Variants in KIAA0825 observed in about 807,000 individuals in gnomAD.
The protein encoded by KIAA0825 is uncharacterized protein KIAA0825.
In KIAA0825, 119 loss-of-function variants were observed where a neutral mutation model predicts 147.6. That is an observed-to-expected ratio of 0.81 (90% CI 0.69 to 0.94). The LOEUF is 0.94. Ranked by LOEUF, KIAA0825 falls within the 40% of genes least tolerant of loss-of-function variation. The pLI is 0.00. For synonymous variants in KIAA0825, 470 were observed against 518.1 expected (o/e 0.91, Z 1.26); for missense variants, 1,381 against 1,472.7 (o/e 0.94, Z 1.02).
At chr5:94,248,776 G>C (rs912919435) in intron 20 of KIAA0825, among the ~76,000 whole-genome samples, 1 of 152,066 alleles carries the variant, frequency 6.6e-6, no homozygotes, top group Non-Finnish European at 1.5e-5. Flanking sequence ...GAACAACCCT[G>C]AACTACGTTT....
chr5:94,506,872 A>C (rs931269095), intron 5 of KIAA0825, among the ~76,000 whole-genome samples: 5 of 152,198 alleles, frequency 3.3e-5, no homozygotes, highest in African/African-American at 4.8e-5. Context: ...AACCAGTTTC[A>C]GTACAAATTT....
At chr5:94,538,388 C>T (rs868737078) in intron 2 of KIAA0825, among the ~76,000 whole-genome samples, 1 of 152,160 alleles carries the variant, frequency 6.6e-6, no homozygotes, top group African/African-American at 2.4e-5. Context: ...TTCTTGATTG[C>T]TTTGGCCAAG....
chr5:94,510,905 A>C (rs1172761879), intron 5 of KIAA0825, among the ~76,000 whole-genome samples: 2 of 152,194 alleles, frequency 1.3e-5, no homozygotes, highest in African/African-American at 2.4e-5. Flanking sequence ...TAATAGTTCT[A>C]AGTGTAAAAG....
At position 94,495,528 on chromosome 5, in the gene KIAA0825, CA is replaced by C. The variant is rs1764254705; in HGVS notation, c.971-10599del. ...GGCACCATGTGACATGCATCACCTG[CA>C]GTGACAGGAGACAGGTACAGAGTCA... On this transcript the variant is annotated intron_variant, in intron 5 of 20. Coordinates refer to ENST00000682413, the MANE Select transcript of KIAA0825 (RefSeq NM_001145678.3). Among the ~76,000 whole-genome samples the C allele has an allele frequency of 2.6e-5, 4 of 152,294 alleles. No homozygotes were observed. The South Asian group carries it at 6.2e-4, about 24-fold the overall frequency.
intron 20 of KIAA0825, among the ~76,000 whole-genome samples, chr5:94,350,517 T>C (rs999381559): frequency 5.9e-5 from 9 of 152,196 alleles, no homozygotes; most frequent in African/African-American, 2.2e-4. Flanking sequence ...TGAACATGGA[T>C]GCTAAAATCT....
intron 2 of KIAA0825, chr5:94,569,829 A>G (rs1175815894): frequency 1.1e-5 from 2 of 183,028 alleles, no homozygotes; most frequent in African/African-American, 4.7e-5. Context: ...CTCTTCCTAC[A>G]CATCGGCCGA....
intron 4 of KIAA0825, among the ~76,000 whole-genome samples, chr5:94,522,003 T>C (rs1200768529): frequency 6.6e-6 from 1 of 151,816 alleles, no homozygotes; most frequent in Non-Finnish European, 1.5e-5. Context: ...CAATGCCTAA[T>C]GTTCTATCTG....
intron 1 of KIAA0825, chr5:94,594,156 T>A (rs889075625): frequency 7.2e-6 from 4 of 558,980 alleles, no homozygotes; most frequent in Admixed American, 3.9e-5. Context: ...TAAAGGTAAT[T>A]TTAATATCAA....
chr5:94,606,007 A>G lies in KIAA0825; in HGVS notation c.-153+12493T>C, dbSNP rs534733756. Among the ~76,000 whole-genome samples, 9 of 152,326 alleles carry G rather than the reference A, an allele frequency of 5.9e-5. No individual in the cohort carries two copies. In the East Asian group the frequency reaches 1.7e-3, roughly 29 times the overall value. On this transcript the variant is annotated intron_variant, in intron 1 of 20. Coordinates refer to ENST00000682413, the MANE Select transcript of KIAA0825 (RefSeq NM_001145678.3). ...CGGATGACATGATTCTATATCTAGA[A>G]AACCCCATAGTCTTAGCCCAAAGGC... is the stretch of plus-strand genomic sequence containing the variant.
intron 20 of KIAA0825, among the ~76,000 whole-genome samples, chr5:94,170,483 T>C (rs907893040): frequency 6.6e-6 from 1 of 152,202 alleles, no homozygotes; most frequent in African/African-American, 2.4e-5. Context: ...CTTTTATTCC[T>C]TTCCTTACTC....
chr5:94,261,372 A>G (rs1161771463), intron 20 of KIAA0825, among the ~76,000 whole-genome samples: 1 of 152,076 alleles, frequency 6.6e-6, no homozygotes, highest in Non-Finnish European at 1.5e-5. Flanking sequence ...TCTTTCCATA[A>G]TGTTATTGAC....
At chr5:94,395,365 G>A (rs1451647873) in intron 17 of KIAA0825, among the ~76,000 whole-genome samples, 1 of 152,162 alleles carries the variant, frequency 6.6e-6, no homozygotes, top group African/African-American at 2.4e-5. Flanking sequence ...ATGTGTCGGT[G>A]TTTTTAAAAT....
intron 2 of KIAA0825, among the ~76,000 whole-genome samples, chr5:94,564,877 CTTTCT>C (rs1778315194): frequency 6.6e-6 from 1 of 152,074 alleles, no homozygotes; most frequent in South Asian, 2.1e-4. Context: ...TTTTCTAAAT[CTTTCT>C]TTTATTTTCT....
chr5:94,342,657 T>C (rs1190837768), intron 20 of KIAA0825, among the ~76,000 whole-genome samples: 3 of 152,200 alleles, frequency 2.0e-5, no homozygotes, highest in Non-Finnish European at 2.9e-5. Flanking sequence ...TGTTTCATTA[T>C]TTATAGAAAT....
intron 5 of KIAA0825, among the ~76,000 whole-genome samples, chr5:94,486,653 A>G (rs1763090995): frequency 6.6e-6 from 1 of 152,154 alleles, no homozygotes; most frequent in Non-Finnish European, 1.5e-5. Context: ...TTCTATGGGC[A>G]TGTTAGAGAA....
chr5:94,375,108 T>C (rs1747353762), intron 20 of KIAA0825, among the ~76,000 whole-genome samples: 1 of 148,474 alleles, frequency 6.7e-6, no homozygotes, highest in Non-Finnish European at 1.5e-5. Context: ...CTCGGCTCAC[T>C]GCAACCTCTG....
At position 94,520,787 on chromosome 5, in the gene KIAA0825, G is replaced by C; in HGVS notation, c.431C>G (p.Thr144Arg). 6.2e-7 allele frequency: 1 copy of C among 1,613,150 alleles called. No homozygotes were observed. The highest frequency in any genetic ancestry group is 8.5e-7 in the Non-Finnish European group (1 of 1,179,326). ...ATTATCTTCAACAGAATGAAGAGAC[G>C]TCCTAGAGAGGAAATGGAAAGATGT... ...SGTSFHFLSR[T>R]SLHSVEDNSS... Residue 144 changes from threonine to arginine, a missense_variant, in exon 5 of 21, where the codon ACG (threonine) becomes AGG (arginine). By Grantham distance (71) the Thr-to-Arg change is moderately conservative. Transcript: ENST00000682413.
At chr5:94,559,417 A>G (rs564497834) in intron 2 of KIAA0825, among the ~76,000 whole-genome samples, 9 of 152,356 alleles carry the variant, frequency 5.9e-5, no homozygotes, top group African/African-American at 1.7e-4. Context: ...TGGAATGTTA[A>G]ATACTCTCTT....
At chr5:94,571,371 C>T (rs946172808) in intron 2 of KIAA0825, among the ~76,000 whole-genome samples, 2 of 152,164 alleles carry the variant, frequency 1.3e-5, no homozygotes, top group African/African-American at 2.4e-5. Flanking sequence ...TGATTTTCTA[C>T]ATTTAGAAGT....
Sources: gnomAD v4.1 joint callset for allele counts (sites outside exome capture counted in the v4.1 genomes callset) on GRCh38, gnomAD v4.1.1 for gene constraint, MANE v1.5 for transcripts, NCBI Gene and HGNC (gene_info 2026-07-23, HGNC 2026-07-21) for gene names.